Variants in JPH2 observed in about 807,000 individuals in gnomAD.
JPH2 encodes the protein junctophilin 2, also known as junctophilin-2.
JPH2 carries 38 observed loss-of-function variants against 55.9 expected under a neutral mutation model. The ratio of observed to expected loss-of-function variants is 0.68; its 90% confidence interval spans 0.52 to 0.89. JPH2 has a LOEUF of 0.89. JPH2 is among the 40% of genes least tolerant of loss of function. The probability of loss-of-function intolerance (pLI) is 0.00; values close to 1 mark genes in which losing one functional copy is unlikely to be tolerated. For missense variants in JPH2, 964 were observed against 1,037.6 expected (o/e 0.93, Z 0.97); for synonymous variants, 480 against 472.4 (o/e 1.02, Z -0.21).
At chr20:44,158,188 G>A (rs1052055800) in intron 2 of JPH2, among the ~76,000 whole-genome samples, 13 of 152,320 alleles carry the variant, frequency 8.5e-5, no homozygotes, top group South Asian at 2.1e-4. Context: ...GGCAGCTGCC[G>A]GTGGACCTCA....
intron 2 of JPH2, among the ~76,000 whole-genome samples, chr20:44,134,913 A>T (rs1249908002): frequency 2.5e-5 from 3 of 119,476 alleles, no homozygotes; most frequent in African/African-American, 6.4e-5. Flanking sequence ...TATATATATA[A>T]AATATATATA....
intron 5 of JPH2, 32 bp downstream of exon 5, chr20:44,114,750 C>G (rs771979084): frequency 2.0e-6 from 3 of 1,525,310 alleles, no homozygotes; most frequent in Non-Finnish European, 1.8e-6. Flanking sequence ...GGCTCCTGCC[C>G]CCCAACCCCT....
intron 2 of JPH2, among the ~76,000 whole-genome samples, chr20:44,122,295 C>T (rs1342573155): frequency 1.3e-5 from 2 of 152,194 alleles, no homozygotes. Context: ...GTTAAGAGCA[C>T]ACAGTTTTAG....
intron 2 of JPH2, among the ~76,000 whole-genome samples, chr20:44,122,671 C>T (rs1415410025): frequency 6.6e-6 from 1 of 152,078 alleles, no homozygotes; most frequent in African/African-American, 2.4e-5. Flanking sequence ...CCTGAAGTTG[C>T]CGTGAAAACT....
At position 44,137,750 on chromosome 20, in the gene JPH2, C is replaced by A. The variant is rs192243825; in HGVS notation, c.1170-19127G>T. On this transcript the variant is annotated intron_variant, in intron 2 of 5. Transcript: ENST00000372980. ...TTCCAACCCCGTTGCCTTATCCCAT[C>A]ATAGCAGTCACAACTGGGCTAAGTC... 2.5e-3 allele frequency among the ~76,000 whole-genome samples: 387 copies of A among 152,320 alleles called. 2 individuals carry two copies. Among genetic ancestry groups the A allele is most frequent in the African/African-American group, 8.9e-3 (369 of 41,570 alleles).
intron 2 of JPH2, among the ~76,000 whole-genome samples, chr20:44,150,830 A>G (rs1190647903): frequency 6.6e-6 from 1 of 152,094 alleles, no homozygotes; most frequent in Non-Finnish European, 1.5e-5. Flanking sequence ...GTTCAAGACT[A>G]GCCTGGGCAA....
intron 2 of JPH2, among the ~76,000 whole-genome samples, chr20:44,126,168 G>GAGGAAGGAAGGAAGGAAGGAAGGA (rs774393666): frequency 3.2e-3 from 117 of 36,198 alleles, no homozygotes; most frequent in East Asian, 0.013. Context: ...GGGAGGGAGG[G>GAGGAAGGAAGGAAGGAAGGAAGGA]AGGAAGGAAG....
intron 1 of JPH2, among the ~76,000 whole-genome samples, chr20:44,166,336 C>T (rs983705655): frequency 5.3e-5 from 8 of 152,214 alleles, no homozygotes; most frequent in Non-Finnish European, 1.2e-4. Context: ...CTATGCTCCT[C>T]TACTTCTCAG....
At chr20:44,163,016 T>G (rs1273691333) in intron 1 of JPH2, among the ~76,000 whole-genome samples, 1 of 151,904 alleles carries the variant, frequency 6.6e-6, no homozygotes, top group Non-Finnish European at 1.5e-5. Context: ...CCCACCACCC[T>G]GCTCACTTAT....
At chr20:44,184,722 T>C (rs1309423553) in intron 1 of JPH2, among the ~76,000 whole-genome samples, 2 of 152,180 alleles carry the variant, frequency 1.3e-5, no homozygotes, top group African/African-American at 4.8e-5. Context: ...TTTAACCCAC[T>C]GCTACCCTCA....
intron 2 of JPH2, among the ~76,000 whole-genome samples, chr20:44,148,468 C>G (rs928907707): frequency 6.6e-5 from 10 of 152,164 alleles, no homozygotes; most frequent in Non-Finnish European, 1.5e-4. Flanking sequence ...AATGGCCTTC[C>G]CCTAACAGAT....
At chr20:44,164,131 A>G (rs578081160) in intron 1 of JPH2, among the ~76,000 whole-genome samples, 5 of 152,374 alleles carry the variant, frequency 3.3e-5, no homozygotes, top group African/African-American at 9.6e-5. Context: ...GATCCAACTT[A>G]AGCTAAGGAA....
At chr20:44,115,602 TC>T in intron 4 of JPH2, 62 bp downstream of exon 4, 3 of 1,602,552 alleles carry the variant, frequency 1.9e-6, no homozygotes, top group Non-Finnish European at 2.6e-6. Flanking sequence ...CCCTGAATCC[TC>T]CCTCAAGCCC....
intron 1 of JPH2, among the ~76,000 whole-genome samples, chr20:44,185,297 A>T (rs1291623148): frequency 6.6e-6 from 1 of 152,042 alleles, no homozygotes; most frequent in Non-Finnish European, 1.5e-5. Flanking sequence ...ACAAAGCAAG[A>T]CCTATCTTTA....
At position 44,160,436 on chromosome 20, in the gene JPH2, G is replaced by A; in HGVS notation, c.380-29C>T. ...CGGGCGAGGAGAGGGCGCGTCAGTA[G>A]GCGGCACGACGGGTCCCCGCGTGTG... On this transcript the variant is annotated intron_variant, in intron 1 of 5. Transcript: ENST00000372980. This position sits in a 1 kb window ranked among gnomAD's most constrained non-coding sequence, Gnocchi z 4.9. 7.5e-6 allele frequency: 12 copies of A among 1,602,774 alleles called. No individual in the cohort carries two copies. Among genetic ancestry groups the A allele is most frequent in the Non-Finnish European group, 1.0e-5 (12 of 1,175,970 alleles).
rs1221248207 is a variant in JPH2 at position 44,110,933 on chromosome 20, G to A, written c.*2585C>T. On this transcript the variant is annotated 3_prime_UTR_variant, in exon 6 of 6. Transcript: ENST00000372980. ...AGCCAGGCTCCTGAGGACAGGGTGT[G>A]CCTGAACTCGAGCCTACTGTTGGTT... Among the ~76,000 whole-genome samples the A allele has an allele frequency of 1.3e-5, 2 of 152,194 alleles. No individual in the cohort carries two copies. Among genetic ancestry groups the A allele is most frequent in the Admixed American group, 1.3e-4 (2 of 15,284 alleles).
intron 1 of JPH2, among the ~76,000 whole-genome samples, chr20:44,186,036 A>G (rs971743156): frequency 6.6e-6 from 1 of 152,210 alleles, no homozygotes; most frequent in Non-Finnish European, 1.5e-5. Context: ...CATACCGAAC[A>G]TGCTAATGGT....
intron 2 of JPH2, among the ~76,000 whole-genome samples, chr20:44,134,874 A>G (rs1189924973): frequency 4.0e-4 from 10 of 25,082 alleles, no homozygotes; most frequent in Admixed American, 1.6e-3. Context: ...AAATATATAT[A>G]TTTATATATA....
At chr20:44,116,426 A>T in intron 3 of JPH2, 40 bp from the exon 4 acceptor site, 1 of 1,542,172 alleles carries the variant, frequency 6.5e-7, no homozygotes, top group Non-Finnish European at 8.7e-7. Context: ...CGAACCCCGC[A>T]CCACTGTTGG....
Sources: allele counts gnomAD v4.1 joint callset (sites outside exome capture counted in the v4.1 genomes callset), GRCh38; gene constraint gnomAD v4.1.1; non-coding constraint Gnocchi (gnomAD v3.1); transcripts MANE v1.5; gene names NCBI Gene and HGNC (gene_info 2026-07-23, HGNC 2026-07-21).